The following NCK2 variants were observed in gnomAD, a reference collection of about 807,000 sequenced individuals.
NCK2 encodes cytoplasmic protein NCK2.
A neutral mutation model predicts 33.9 loss-of-function variants in NCK2; 16 were observed. The observed-to-expected ratio is 0.47, with a 90% CI of 0.32 to 0.72. NCK2 has a LOEUF of 0.72. NCK2 is among the 30% of genes least tolerant of loss of function. The pLI is 0.03. For synonymous variants in NCK2, 273 were observed against 239.9 expected (o/e 1.14, Z -1.27); for missense variants, 418 against 537.3 (o/e 0.78, Z 2.19).
At position 105,881,566 on chromosome 2, in the gene NCK2, G is replaced by A. The variant is rs1318270695; in HGVS notation, c.465G>A (p.Gly155=). The A allele has an allele frequency of 6.2e-7, 1 of 1,613,788 alleles. No homozygotes were observed. ...SDGWWRGSYN[G]QIGWFPSNYV... Reference sequence around the variant, plus strand: ...GTTGGTGGCGGGGCAGCTACAACGGGCAGATCGGCTGGTTCCCCTCCAACT... The same window carrying A: ...GTTGGTGGCGGGGCAGCTACAACGGACAGATCGGCTGGTTCCCCTCCAACT... The change falls in exon 4 of 5, where the codon GGG becomes GGA. Residue 155 remains glycine, a synonymous_variant. Coordinates refer to ENST00000233154, the MANE Select transcript of NCK2 (RefSeq NM_003581.5).
intron 3 of NCK2, among the ~76,000 whole-genome samples, chr2:105,869,866 AT>A (rs1677927147): frequency 6.6e-6 from 1 of 152,166 alleles, no homozygotes; most frequent in Admixed American, 6.5e-5. Flanking sequence ...CTGTGTTCCC[AT>A]TTGACTTTCA....
chr2:105,820,836 T>C (rs1222475308), intron 2 of NCK2, among the ~76,000 whole-genome samples: 1 of 152,148 alleles, frequency 6.6e-6, no homozygotes, highest in Non-Finnish European at 1.5e-5. Flanking sequence ...AAGGATGGTG[T>C]AGTGGGATAG....
intron 1 of NCK2, among the ~76,000 whole-genome samples, chr2:105,808,829 T>C (rs1307359020): frequency 2.0e-5 from 3 of 152,142 alleles, no homozygotes; most frequent in Non-Finnish European, 4.4e-5. Flanking sequence ...GGTAATGATG[T>C]GGGGTGTGAT....
chr2:105,822,062 G>A (rs1675760955), intron 2 of NCK2, among the ~76,000 whole-genome samples: 1 of 151,922 alleles, frequency 6.6e-6, no homozygotes, highest in South Asian at 2.1e-4. Context: ...GAGCAGGCTG[G>A]GAGCTCCCAT....
At chr2:105,777,627 C>A (rs1237330976) in intron 1 of NCK2, among the ~76,000 whole-genome samples, 1 of 152,144 alleles carries the variant, frequency 6.6e-6, no homozygotes, top group Non-Finnish European at 1.5e-5. Flanking sequence ...TAAATGACTT[C>A]AGTTGCAGCT....
intron 1 of NCK2, among the ~76,000 whole-genome samples, chr2:105,783,275 G>A (rs1304695461): frequency 6.6e-6 from 1 of 152,180 alleles, no homozygotes; most frequent in Admixed American, 6.5e-5. Context: ...TTGTAGCCTC[G>A]CTAGAGCTTG....
At chr2:105,748,075 C>T (rs1362235640) in intron 1 of NCK2, among the ~76,000 whole-genome samples, 1 of 152,200 alleles carries the variant, frequency 6.6e-6, no homozygotes, top group African/African-American at 2.4e-5. Flanking sequence ...TGTACTGGCA[C>T]ATACATTCCT....
At chr2:105,823,071 T>C (rs1367442485) in intron 2 of NCK2, among the ~76,000 whole-genome samples, 2 of 151,670 alleles carry the variant, frequency 1.3e-5, no homozygotes, top group Admixed American at 1.3e-4. Flanking sequence ...GTTCTCAAAC[T>C]AGGAAAAGCA....
At chr2:105,750,223 T>G (rs1348965961) in intron 1 of NCK2, among the ~76,000 whole-genome samples, 1 of 152,166 alleles carries the variant, frequency 6.6e-6, no homozygotes, top group Non-Finnish European at 1.5e-5. Flanking sequence ...CACGTAGCCT[T>G]CCTTCTGTGA....
intron 2 of NCK2, among the ~76,000 whole-genome samples, chr2:105,824,679 A>T (rs1675876724): frequency 6.6e-6 from 1 of 152,072 alleles, no homozygotes; most frequent in Admixed American, 6.5e-5. Context: ...GGGCGTGCTC[A>T]TGTGTGGGTG....
chr2:105,830,543 G>A (rs902390424), intron 2 of NCK2, among the ~76,000 whole-genome samples: 1 of 152,030 alleles, frequency 6.6e-6, no homozygotes, highest in Non-Finnish European at 1.5e-5. Context: ...TAACATGGGA[G>A]TGCAGCTGTC....
rs752723534 is a variant in NCK2, at chr2:105,855,255, G to A, written c.192G>A (p.Lys64=). ...TGGAGCGGAAGAACAGCCTGAAGAA[G>A]GGCTCCCTCGTGAAGAACCTGAAGG... ...NYVERKNSLK[K]GSLVKNLKDT... Residue 64 remains lysine, a synonymous_variant, in exon 3 of 5, where the codon AAG becomes AAA. Transcript: ENST00000233154. 8.1e-6 allele frequency: 13 copies of A among 1,611,228 alleles called. No individual in the cohort carries two copies. The African/African-American group carries it at 1.7e-4, about 22-fold the overall frequency.
At chr2:105,748,986 G>A in intron 1 of NCK2, among the ~76,000 whole-genome samples, 1 of 152,154 alleles carries the variant, frequency 6.6e-6, no homozygotes, top group Non-Finnish European at 1.5e-5. Context: ...AATTTGGTCT[G>A]TTGGCCTCTC....
chr2:105,753,978 T>A (rs556984916), intron 1 of NCK2, among the ~76,000 whole-genome samples: 11 of 152,318 alleles, frequency 7.2e-5, no homozygotes, highest in African/African-American at 2.6e-4. Flanking sequence ...AAGTGAGTTG[T>A]CTGTGCCAGC....
At position 105,778,904 on chromosome 2, in the gene NCK2, A is replaced by AT. The variant is rs941401713; in HGVS notation, c.-201+33776dup. ...TACCAGGCTAATTGAGATAATGGTT[A>AT]TTTTTTTTTTCAAGAGCTTTAAGAA... On this transcript the variant is annotated intron_variant, in intron 1 of 4. Transcript: ENST00000233154. Among the ~76,000 whole-genome samples, 116 of 149,600 alleles carry AT rather than the reference A, an allele frequency of 7.8e-4. No homozygotes were observed. The East Asian group carries it at 8.6e-3, about 11-fold the overall frequency.
intron 3 of NCK2, among the ~76,000 whole-genome samples, chr2:105,861,750 A>G (rs1395824375): frequency 6.6e-6 from 1 of 151,918 alleles, no homozygotes; most frequent in Non-Finnish European, 1.5e-5. Context: ...CCTGACCTCA[A>G]ATAATCCACC....
chr2:105,810,056 G>T (rs1675230101), intron 1 of NCK2, among the ~76,000 whole-genome samples: 1 of 152,196 alleles, frequency 6.6e-6, no homozygotes, highest in Non-Finnish European at 1.5e-5. Context: ...GAGGGAGGGA[G>T]AAAGAGCACA....
intron 1 of NCK2, among the ~76,000 whole-genome samples, chr2:105,786,283 T>C (rs1210703725): frequency 6.6e-6 from 1 of 152,276 alleles, no homozygotes; most frequent in Non-Finnish European, 1.5e-5. Flanking sequence ...GTAGTGATCA[T>C]TAGCTGAGCA....
intron 4 of NCK2, among the ~76,000 whole-genome samples, chr2:105,890,960 A>G (rs1227852152): frequency 1.3e-5 from 2 of 152,216 alleles, no homozygotes; most frequent in Admixed American, 6.5e-5. Context: ...CTGGGCTTTG[A>G]GAAAAGCAGA....
Sources: allele counts gnomAD v4.1 joint callset (sites outside exome capture counted in the v4.1 genomes callset), GRCh38; gene constraint gnomAD v4.1.1; transcripts MANE v1.5; gene names NCBI Gene and HGNC (gene_info 2026-07-23, HGNC 2026-07-21).